Variants in HIPK3 observed in about 807,000 individuals in gnomAD.
HIPK3 encodes the protein homeodomain-interacting protein kinase 3.
Under a neutral mutation model 124.2 loss-of-function variants are expected in HIPK3, and 47 were observed. The ratio of observed to expected loss-of-function variants is 0.38; its 90% CI spans 0.30 to 0.48. HIPK3 has a LOEUF of 0.48. Among genes scored for constraint, HIPK3 ranks in the 20% least tolerant of loss-of-function variants. The pLI is 0.98. For synonymous variants in HIPK3, 482 were observed against 515.2 expected, an observed-to-expected ratio of 0.94 and a Z score of 0.87; for missense variants, 1,286 against 1,454.3, an observed-to-expected ratio of 0.88 and a Z score of 1.88.
upstream of HIPK3, chr11:33,257,212 T>C: frequency 4.1e-6 from 4 of 983,276 alleles, no homozygotes; most frequent in Non-Finnish European, 4.8e-6. Context: ...AGGGCGCGGC[T>C]GCGGACTGGC....
At position 33,353,249 on chromosome 11, in the gene HIPK3, C is replaced by T. The variant is rs1565102032; in HGVS notation, c.3329C>T (p.Thr1110Ile). ...GTGCATGCCCACCTGGCTGGAAATACACACCTCGGAGGACAGCCTACTCTA... is the reference window on the plus strand; with the variant it reads ...GTGCATGCCCACCTGGCTGGAAATATACACCTCGGAGGACAGCCTACTCTA... ...TAVHAHLAGNTHLGGQPTLLP... is the reference protein window; with the variant it reads ...TAVHAHLAGNIHLGGQPTLLP... The change falls in exon 17 of 17, where the codon ACA becomes ATA. Residue 1110 changes from threonine (T) to isoleucine (I), a missense_variant. Transcript: ENST00000303296. The T allele has an allele frequency of 1.2e-6, 2 of 1,614,164 alleles. No homozygotes were observed. Among genetic ancestry groups the T allele is most frequent in the Non-Finnish European group, 8.5e-7 (1 of 1,180,026 alleles).
At chr11:33,315,949 G>A (rs914192701) in intron 2 of HIPK3, among the ~76,000 whole-genome samples, 1 of 152,116 alleles carries the variant, frequency 6.6e-6, no homozygotes, top group African/African-American at 2.4e-5. Flanking sequence ...ATTTTTAACT[G>A]TGATATTTTT....
In HIPK3 at chr11:33,319,776, A is replaced by T. The variant is rs897392492; in HGVS notation, c.1098-8734A>T. Among the ~76,000 whole-genome samples the T allele has an allele frequency of 4.6e-5, 7 of 152,224 alleles. No homozygotes were observed. In the South Asian group the frequency reaches 1.2e-3, roughly 27 times the overall value. On this transcript the variant is annotated intron_variant, in intron 2 of 16. Transcript: ENST00000303296. ...TGGGAATATAGCATTAAAAGAATTA[A>T]AGTTCTTGCCCCCATGGAATTTATG... is the stretch of plus-strand genomic sequence containing the variant.
At chr11:33,319,758 A>G (rs1170922715) in intron 2 of HIPK3, among the ~76,000 whole-genome samples, 1 of 152,232 alleles carries the variant, frequency 6.6e-6, no homozygotes, top group Admixed American at 6.5e-5. Context: ...TGTTGGGAAT[A>G]TAGCATTAAA....
At chr11:33,343,784 A>G (rs1239675537) in intron 8 of HIPK3, among the ~76,000 whole-genome samples, 1 of 152,168 alleles carries the variant, frequency 6.6e-6, no homozygotes, top group Non-Finnish European at 1.5e-5. Context: ...TGGATTTTCA[A>G]GTAATGTATC....
intron 3 of HIPK3, among the ~76,000 whole-genome samples, chr11:33,329,999 A>AT (rs1396710897): frequency 2.0e-5 from 3 of 152,312 alleles, no homozygotes; most frequent in African/African-American, 7.2e-5. Flanking sequence ...TGGACAACTG[A>AT]TATTAGTATT....
chr11:33,284,925 T>C (rs1233604686), intron 1 of HIPK3, among the ~76,000 whole-genome samples: 1 of 152,230 alleles, frequency 6.6e-6, no homozygotes, highest in Non-Finnish European at 1.5e-5. Context: ...TCAGTTTTTC[T>C]AGCTATGGTA....
intron 1 of HIPK3, among the ~76,000 whole-genome samples, chr11:33,261,581 A>T (rs1850829383): frequency 6.6e-6 from 1 of 150,902 alleles, no homozygotes. Context: ...ATTCCATGGT[A>T]CATATGTAGC....
chr11:33,337,332 A>G, intron 4 of HIPK3, 138 bp downstream of exon 4: 1 of 455,754 alleles, frequency 2.2e-6, no homozygotes, highest in Non-Finnish European at 3.6e-6. Context: ...GCCCTTCTTT[A>G]TTTTATTTTA....
chr11:33,339,676 A>G (rs765378445), intron 6 of HIPK3, 142 bp downstream of exon 6: 8 of 578,032 alleles, frequency 1.4e-5, no homozygotes, highest in Admixed American at 2.9e-5. Context: ...CCAAGTTCAC[A>G]TACACCAGTA....
At chr11:33,270,710 CT>C (rs2133874957) in intron 1 of HIPK3, among the ~76,000 whole-genome samples, 1 of 152,108 alleles carries the variant, frequency 6.6e-6, no homozygotes, top group African/African-American at 2.4e-5. Context: ...AATCCCAGCA[CT>C]TTAGGAGGCT....
intron 2 of HIPK3, among the ~76,000 whole-genome samples, chr11:33,322,730 G>A (rs2133960175): frequency 1.3e-5 from 2 of 152,314 alleles, no homozygotes; most frequent in East Asian, 1.9e-4. Flanking sequence ...GGAGGCTGAG[G>A]CAGCAGAATT....
chr11:33,338,933 A>G (rs1441041295), intron 5 of HIPK3, 90 bp downstream of exon 5: 1 of 828,934 alleles, frequency 1.2e-6, no homozygotes, highest in Non-Finnish European at 2.0e-6. Flanking sequence ...TCAGTTTTTA[A>G]ATGGCTACAG....
intron 2 of HIPK3, among the ~76,000 whole-genome samples, chr11:33,315,962 T>C (rs1852488932): frequency 6.6e-6 from 1 of 152,206 alleles, no homozygotes; most frequent in African/African-American, 2.4e-5. Flanking sequence ...ATATTTTTAG[T>C]CTAAGACACA....
intron 1 of HIPK3, among the ~76,000 whole-genome samples, chr11:33,278,689 G>A (rs1007409351): frequency 1.3e-4 from 19 of 151,936 alleles, no homozygotes; most frequent in Non-Finnish European, 2.5e-4. Flanking sequence ...CTAAAAATAC[G>A]AAAAATTAGC....
intron 2 of HIPK3, among the ~76,000 whole-genome samples, chr11:33,300,796 A>G (rs1418779107): frequency 1.3e-5 from 2 of 152,140 alleles, no homozygotes; most frequent in Admixed American, 6.5e-5. Context: ...GTACAGTGAC[A>G]TGATCTTGGC....
chr11:33,299,741 G>A (rs371047606), intron 2 of HIPK3, among the ~76,000 whole-genome samples: 6 of 151,750 alleles, frequency 4.0e-5, no homozygotes, highest in South Asian at 2.1e-4. Context: ...TTGAGACATC[G>A]TTGGCCAGGT....
At chr11:33,329,397 A>G (rs1317804352) in intron 3 of HIPK3, among the ~76,000 whole-genome samples, 1 of 152,208 alleles carries the variant, frequency 6.6e-6, no homozygotes, top group Non-Finnish European at 1.5e-5. Flanking sequence ...GAATATTTTT[A>G]TTTAGATGAT....
chr11:33,348,111 C>A, intron 11 of HIPK3, 55 bp from the exon 12 acceptor site: 1 of 1,604,782 alleles, frequency 6.2e-7, no homozygotes, highest in Non-Finnish European at 8.5e-7. Context: ...TTCAAAATGA[C>A]CTCTTTTATA....
Sources: allele counts gnomAD v4.1 joint callset (sites outside exome capture counted in the v4.1 genomes callset), GRCh38; gene constraint gnomAD v4.1.1; transcripts MANE v1.5; gene names NCBI Gene and HGNC (gene_info 2026-07-23, HGNC 2026-07-21).